The following GRM5 variants were observed in gnomAD, a reference collection of about 807,000 sequenced individuals.
The protein encoded by GRM5 is glutamate metabotropic receptor 5, also known as metabotropic glutamate receptor 5.
GRM5 carries 19 observed loss-of-function variants against 83.1 expected under a neutral mutation model. The observed-to-expected ratio is 0.23, with a 90% CI of 0.16 to 0.34. GRM5 has a LOEUF of 0.34. Among genes scored for constraint, GRM5 ranks in the 10% least tolerant of loss-of-function variants. The pLI, the probability that GRM5 is intolerant of heterozygous loss-of-function variation, is 1.00. For synonymous variants in GRM5, 675 were observed against 633.6 expected (o/e 1.07, Z -0.98); for missense variants, 1,160 against 1,588.3 (o/e 0.73, Z 4.58).
At chr11:88,590,294 A>T (rs1306930817) in intron 7 of GRM5, among the ~76,000 whole-genome samples, 1 of 152,164 alleles carries the variant, frequency 6.6e-6, no homozygotes, top group Non-Finnish European at 1.5e-5. Flanking sequence ...AAAATGACAC[A>T]CATAACTGGG....
intron 9 of GRM5, among the ~76,000 whole-genome samples, chr11:88,511,474 T>A (rs1941367045): frequency 1.3e-5 from 2 of 152,242 alleles, no homozygotes; most frequent in Non-Finnish European, 2.9e-5. Context: ...ATGGTCTTTC[T>A]TTCTCCGCTC....
At chr11:88,650,511 C>T (rs537379779) in intron 4 of GRM5, among the ~76,000 whole-genome samples, 7 of 151,866 alleles carry the variant, frequency 4.6e-5, no homozygotes, top group African/African-American at 1.2e-4. Flanking sequence ...TACACACTCA[C>T]AGATTGTCAA....
At chr11:88,987,823 C>A (rs920756475) in intron 2 of GRM5, among the ~76,000 whole-genome samples, 8 of 151,618 alleles carry the variant, frequency 5.3e-5, no homozygotes, top group African/African-American at 1.9e-4. Context: ...GGAAAACTAA[C>A]AAACAGAAAG....
chr11:88,530,460 C>A (rs1941981735), intron 8 of GRM5, among the ~76,000 whole-genome samples: 1 of 151,950 alleles, frequency 6.6e-6, no homozygotes, highest in African/African-American at 2.4e-5. Context: ...TGTTGTTCTT[C>A]TTCTTGTACC....
chr11:88,989,923 T>C (rs537471496), intron 2 of GRM5, among the ~76,000 whole-genome samples: 4,431 of 151,360 alleles, frequency 0.029, 229 homozygotes, highest in African/African-American at 0.1. Flanking sequence ...AGATCCAAAA[T>C]TGACACCCTA....
intron 4 of GRM5, among the ~76,000 whole-genome samples, chr11:88,623,660 A>G (rs1938707060): frequency 1.3e-5 from 2 of 152,208 alleles, no homozygotes; most frequent in Admixed American, 6.5e-5. Context: ...GTAAATTGGC[A>G]GCTGTATTCC....
chr11:88,709,852 C>T (rs1381279063), intron 3 of GRM5, among the ~76,000 whole-genome samples: 1 of 152,094 alleles, frequency 6.6e-6, no homozygotes, highest in Non-Finnish European at 1.5e-5. Flanking sequence ...ACTGAACAAA[C>T]AGAATCTGTT....
intron 2 of GRM5, among the ~76,000 whole-genome samples, chr11:88,969,825 T>C (rs879466631): frequency 2.0e-5 from 3 of 152,110 alleles, no homozygotes; most frequent in Admixed American, 1.3e-4. Flanking sequence ...ATGACATATA[T>C]AGCTTTATAT....
intron 1 of GRM5, among the ~76,000 whole-genome samples, chr11:89,060,220 G>A (rs566768282): frequency 6.0e-5 from 9 of 150,964 alleles, no homozygotes; most frequent in African/African-American, 1.9e-4. Flanking sequence ...GCGTATGTAT[G>A]TATATATATT....
chr11:88,862,550 T>C (rs566816729), intron 2 of GRM5, among the ~76,000 whole-genome samples: 1 of 152,260 alleles, frequency 6.6e-6, no homozygotes, highest in African/African-American at 2.4e-5. Context: ...ATAGTTGCAT[T>C]ACTCTAATTA....
intron 8 of GRM5, among the ~76,000 whole-genome samples, chr11:88,528,812 C>T (rs1357022454): frequency 6.6e-6 from 1 of 151,862 alleles, no homozygotes; most frequent in Non-Finnish European, 1.5e-5. Flanking sequence ...ATTAAAACAG[C>T]CATACAAAGC....
intron 2 of GRM5, among the ~76,000 whole-genome samples, chr11:88,862,760 T>G (rs1944587903): frequency 6.6e-6 from 1 of 152,094 alleles, no homozygotes. Flanking sequence ...ATCACCTAGG[T>G]ATTAAGCCCA....
intron 3 of GRM5, among the ~76,000 whole-genome samples, chr11:88,829,110 A>T (rs1164853463): frequency 6.6e-6 from 1 of 152,328 alleles, no homozygotes; most frequent in South Asian, 2.1e-4. Context: ...GAAAACTAAA[A>T]ATAATTAGAG....
intron 8 of GRM5, among the ~76,000 whole-genome samples, chr11:88,562,573 G>T (rs1942782553): frequency 1.3e-5 from 2 of 152,042 alleles, no homozygotes; most frequent in East Asian, 1.9e-4. Flanking sequence ...CATTTTGGGG[G>T]ACTACTCTGA....
intron 2 of GRM5, among the ~76,000 whole-genome samples, chr11:88,957,771 C>G (rs1170427570): frequency 6.6e-6 from 1 of 151,996 alleles, no homozygotes; most frequent in East Asian, 1.9e-4. Flanking sequence ...CCCATAGAGA[C>G]AATATTTTTT....
At chr11:88,639,972 T>C (rs1434084865) in intron 4 of GRM5, among the ~76,000 whole-genome samples, 1 of 152,192 alleles carries the variant, frequency 6.6e-6, no homozygotes, top group Non-Finnish European at 1.5e-5. Context: ...AGTGGATAAT[T>C]ACAATCATTT....
chr11:88,625,684 A>G (rs1591391363), intron 4 of GRM5, among the ~76,000 whole-genome samples: 2 of 152,264 alleles, frequency 1.3e-5, no homozygotes, highest in South Asian at 4.1e-4. Context: ...TGTGCTCACT[A>G]CCTGGGTGAT....
In GRM5 at chr11:88,722,438, G is replaced by A. The variant is rs569908583; in HGVS notation, c.912-69035C>T. Among the ~76,000 whole-genome samples, 7 of 152,202 alleles carry A rather than the reference G, an allele frequency of 4.6e-5. No individual in the cohort carries two copies. In the South Asian group the frequency reaches 1.5e-3, roughly 32 times the overall value. On this transcript the variant is annotated intron_variant, in intron 3 of 9. Coordinates refer to ENST00000305447, the MANE Select transcript of GRM5 (RefSeq NM_001143831.3). The stretch of plus-strand genomic sequence containing the variant: ...CTTCTCCAAGTGTTGAGCAGAGGGA[G>A]AACTCGGAAGTGAGAGGAATTACTT...
chr11:88,843,728 C>CA (rs915731458), intron 3 of GRM5, among the ~76,000 whole-genome samples: 5 of 151,940 alleles, frequency 3.3e-5, no homozygotes, highest in African/African-American at 1.2e-4. Context: ...AGGCCTGTTG[C>CA]AAAAAACAGC....
Sources: gnomAD v4.1 joint callset for allele counts (sites outside exome capture counted in the v4.1 genomes callset) on GRCh38, gnomAD v4.1.1 for gene constraint, MANE v1.5 for transcripts, NCBI Gene and HGNC (gene_info 2026-07-23, HGNC 2026-07-21) for gene names.